Variants in RASSF3 observed in about 807,000 individuals in gnomAD.
The protein encoded by RASSF3 is Ras association domain family member 3, also known as ras association domain-containing protein 3.
Under a neutral mutation model 19.9 loss-of-function variants are expected in RASSF3, and 19 were observed. The ratio of observed to expected loss-of-function variants is 0.96; its 90% confidence interval spans 0.67 to 1.40. The LOEUF (loss-of-function observed/expected upper bound fraction) is 1.40, where lower values mean the gene tolerates loss of function less well. Among genes scored for constraint, RASSF3 ranks in the 40% most tolerant of loss-of-function variants. The pLI, the probability that RASSF3 is intolerant of heterozygous loss-of-function variation, is 0.00. For synonymous variants in RASSF3, 110 were observed against 104.2 expected (o/e 1.06, Z -0.34); for missense variants, 306 against 289.8 (o/e 1.06, Z -0.41).
chr12:64,517,738 C>T (rs985681799), intron 1 of RASSF3, among the ~76,000 whole-genome samples: 2 of 151,988 alleles, frequency 1.3e-5, no homozygotes, highest in South Asian at 4.2e-4. Flanking sequence ...CCCACCTCAG[C>T]CTCCCTAGTA....
At chr12:64,579,085 C>T (rs1277117426) in intron 2 of RASSF3, among the ~76,000 whole-genome samples, 1 of 151,788 alleles carries the variant, frequency 6.6e-6, no homozygotes, top group Non-Finnish European at 1.5e-5. Flanking sequence ...CGAGATTGAG[C>T]CGTTGCACTC....
At chr12:64,564,212 T>C (rs1869392283) in intron 2 of RASSF3, among the ~76,000 whole-genome samples, 1 of 152,216 alleles carries the variant, frequency 6.6e-6, no homozygotes, top group Admixed American at 6.5e-5. Flanking sequence ...AGACAATATT[T>C]GCTGTTTGAC....
Position 64,688,290 on chromosome 12 carries a change from T to C in RASSF3, c.294T>C (p.Asn98=), listed in dbSNP as rs1004693793. 12 of 1,614,032 alleles carry C rather than the reference T, an allele frequency of 7.4e-6. No individual in the cohort carries two copies. Among genetic ancestry groups the C allele is most frequent in the African/African-American group, 1.3e-5 (1 of 74,918 alleles). ...ELCKPPQTSP[N]SGKLSPSSNG... ...GCAAACCTCCACAGACTTCTCCAAA[T>C]TCTGGAAAACTCTCTCCCAGTAGCA... is the stretch of plus-strand genomic sequence containing the variant. Residue 98 remains asparagine (N), a synonymous_variant, in exon 3 of 5, where the codon AAT becomes AAC. Transcript: ENST00000542104.
downstream of RASSF3, chr12:64,541,772 A>C: frequency 2.5e-6 from 1 of 397,800 alleles, no homozygotes; most frequent in Non-Finnish European, 4.4e-6. Context: ...ACCCCATAGA[A>C]TGGTCTTTTT....
chr12:64,519,951 C>G (rs924348365), intron 1 of RASSF3, among the ~76,000 whole-genome samples: 4 of 152,044 alleles, frequency 2.6e-5, no homozygotes, highest in African/African-American at 7.3e-5. Flanking sequence ...AGTCCCTCCC[C>G]CTGCCTTCTG....
downstream of RASSF3, among the ~76,000 whole-genome samples, chr12:64,545,562 C>A (rs7302385): frequency 0.33 from 50,534 of 152,032 alleles, 10,368 homozygotes; most frequent in East Asian, 0.66. Flanking sequence ...ATAAAGATCA[C>A]GTGAAAGGCG....
intron 2 of RASSF3, among the ~76,000 whole-genome samples, chr12:64,602,098 C>G (rs1870102449): frequency 1.4e-5 from 2 of 144,058 alleles, no homozygotes; most frequent in African/African-American, 5.2e-5. Flanking sequence ...GCCTGGGTGA[C>G]AGAGCGACTT....
intron 2 of RASSF3, among the ~76,000 whole-genome samples, chr12:64,579,513 G>A (rs188331368): frequency 2.0e-5 from 3 of 151,938 alleles, no homozygotes; most frequent in East Asian, 2.0e-4. Context: ...AACACGCCTG[G>A]CTATTTTTTT....
chr12:64,675,915 TAA>T (rs879786267), intron 1 of RASSF3, among the ~76,000 whole-genome samples: 8 of 145,230 alleles, frequency 5.5e-5, no homozygotes, highest in African/African-American at 2.0e-4. Flanking sequence ...TCCTGCCATT[TAA>T]AAAAAAAAAA....
chr12:64,663,252 G>T (rs867095561), intron 1 of RASSF3, among the ~76,000 whole-genome samples: 18 of 152,084 alleles, frequency 1.2e-4, no homozygotes, highest in African/African-American at 4.1e-4. Flanking sequence ...GCCTTCTTGT[G>T]TTACTGTCTA....
rs539341508 is a variant in RASSF3 at position 64,521,198 on chromosome 12, C to G, written c.169+13869C>G. Among the ~76,000 whole-genome samples the G allele has an allele frequency of 5.3e-5, 8 of 152,320 alleles. No individual in the cohort carries two copies. The South Asian group carries it at 1.0e-3, about 20-fold the overall frequency. On this transcript the variant is annotated intron_variant, in intron 1 of 5. Transcript: ENST00000637125. ...AATGCCTCTGATGTTTGGGACTACCCTCCTCAGCCCTTCCCTGTAGTGATG... is the reference window on the plus strand; with the variant it reads ...AATGCCTCTGATGTTTGGGACTACCGTCCTCAGCCCTTCCCTGTAGTGATG...
upstream of RASSF3, among the ~76,000 whole-genome samples, chr12:64,606,123 A>AAAAAAGG (rs1272775195): frequency 6.6e-6 from 1 of 152,056 alleles, no homozygotes; most frequent in East Asian, 1.9e-4. Context: ...GTTTCTTTTA[A>AAAAAAGG]AAGTGAGGAA....
intron 2 of RASSF3, among the ~76,000 whole-genome samples, chr12:64,600,451 C>T (rs1340893191): frequency 1.3e-5 from 2 of 152,164 alleles, no homozygotes; most frequent in Admixed American, 6.5e-5. Flanking sequence ...TGTGTTTACT[C>T]GGTAAATTTC....
chr12:64,681,968 A>G (rs1299972297), intron 1 of RASSF3, among the ~76,000 whole-genome samples: 1 of 152,166 alleles, frequency 6.6e-6, no homozygotes, highest in Non-Finnish European at 1.5e-5. Context: ...TCACGCCCCT[A>G]AACACTAGCC....
At chr12:64,647,484 C>T (rs1716436659) in intron 1 of RASSF3, among the ~76,000 whole-genome samples, 1 of 150,838 alleles carries the variant, frequency 6.6e-6, no homozygotes, top group South Asian at 2.1e-4. Flanking sequence ...GATCTTGGCT[C>T]ACTGCAACCT....
chr12:64,535,328 C>A (rs1206343739), intron 1 of RASSF3, among the ~76,000 whole-genome samples: 4 of 146,986 alleles, frequency 2.7e-5, no homozygotes, highest in East Asian at 2.1e-4. Context: ...AAAAAAAAAA[C>A]AAAATAAACA....
Position 64,693,946 on chromosome 12 carries a change from C to T in RASSF3, c.568-817C>T, listed in dbSNP as rs140824170. 5.8e-3 allele frequency among the ~76,000 whole-genome samples: 888 copies of T among 152,172 alleles called. 11 individuals carry two copies. The highest frequency in any genetic ancestry group is 0.021 in the African/African-American group (857 of 41,506). On this transcript the variant is annotated intron_variant, in intron 4 of 4. Transcript: ENST00000542104. ...CTGTGAAGGCTTTTGATACACTTAG[C>T]CTTGGGTGGGAAGAGAGGAGAGGAA...
chr12:64,610,526 T>G lies in RASSF3; in HGVS notation c.-107T>G, dbSNP rs966381968. The G allele has an allele frequency of 1.5e-5, 6 of 396,836 alleles. No individual in the cohort carries two copies. Among genetic ancestry groups the G allele is most frequent in the African/African-American group, 1.3e-4 (6 of 46,120 alleles). 24.6% of individuals were successfully genotyped at this position (396,836 alleles called of 1,614,324 possible). ...GCGGCGGCCGCAGCTGCATAAGGAC[T>G]GCCCGGGGCTGCGCGCCGGGAACCT... On this transcript the variant is annotated 5_prime_UTR_variant, in exon 1 of 5. Coordinates refer to ENST00000542104, the MANE Select transcript of RASSF3 (RefSeq NM_178169.4).
At chr12:64,548,409 C>A (rs1228376892) in intron 2 of RASSF3, among the ~76,000 whole-genome samples, 2 of 151,932 alleles carry the variant, frequency 1.3e-5, no homozygotes, top group Non-Finnish European at 2.9e-5. Flanking sequence ...AGGCTGGTCT[C>A]GAACTCCTGG....
Sources: gnomAD v4.1 joint callset for allele counts (sites outside exome capture counted in the v4.1 genomes callset) on GRCh38, gnomAD v4.1.1 for gene constraint, MANE v1.5 for transcripts, NCBI Gene and HGNC (gene_info 2026-07-23, HGNC 2026-07-21) for gene names.